The following CECR2 variants were observed in gnomAD, a reference collection of about 807,000 sequenced individuals.
CECR2 encodes the protein chromatin remodeling regulator CECR2.
A neutral mutation model predicts 154.5 loss-of-function variants in CECR2; 30 were observed. The ratio of observed to expected loss-of-function variants is 0.19; its 90% CI spans 0.15 to 0.26. The LOEUF (loss-of-function observed/expected upper bound fraction) is 0.26. Ranked by LOEUF, CECR2 falls within the 10% of genes least tolerant of loss-of-function variation. CECR2 has a pLI of 1.00. For synonymous variants in CECR2, 725 were observed against 683.7 expected (o/e 1.06, Z -0.94); for missense variants, 1,743 against 1,829.3 (o/e 0.95, Z 0.86).
In CECR2 at chr22:17,556,063, TG is replaced by T. The variant is rs1488985788; in HGVS notation, c.*3224del. On this transcript the variant is annotated 3_prime_UTR_variant, in exon 19 of 19. Transcript: ENST00000262608. ...GTAGCAGGAGCTATTGGCTGAAATT[TG>T]TTACAGTGAATGAATGTGGAGAATA... 2 of 152,202 alleles carry T rather than the reference TG, an allele frequency of 1.3e-5. No individual in the cohort carries two copies. Among genetic ancestry groups the T allele is most frequent in the African/African-American group, 4.8e-5 (2 of 41,446 alleles). The allele number at this position is 152,202 out of a possible 1,614,324, so 9.4% of individuals were successfully genotyped here.
chr22:17,423,589 AAG>A (rs2054289397), intron 1 of CECR2, among the ~76,000 whole-genome samples: 1 of 152,114 alleles, frequency 6.6e-6, no homozygotes. Context: ...TGCTTCTGGC[AAG>A]AGAGGATTTT....
At chr22:17,441,517 C>T (rs146905454) in intron 1 of CECR2, among the ~76,000 whole-genome samples, 10 of 152,198 alleles carry the variant, frequency 6.6e-5, no homozygotes, top group East Asian at 1.9e-4. Flanking sequence ...TTTATTCTAA[C>T]GTGATGAAAG....
chr22:17,436,159 G>A (rs961280147), intron 1 of CECR2, among the ~76,000 whole-genome samples: 99 of 152,108 alleles, frequency 6.5e-4, no homozygotes, highest in African/African-American at 2.3e-3. Context: ...GGGGTTTCAC[G>A]GTGTTAGCCA....
chr22:17,379,926 T>A (rs911499063), intron 1 of CECR2, among the ~76,000 whole-genome samples: 5 of 152,216 alleles, frequency 3.3e-5, no homozygotes, highest in African/African-American at 1.2e-4. Flanking sequence ...TCTGTGGCTT[T>A]TGAAGATGTT....
intron 1 of CECR2, among the ~76,000 whole-genome samples, chr22:17,427,102 T>C (rs575261536): frequency 6.6e-6 from 1 of 151,700 alleles, no homozygotes; most frequent in South Asian, 2.1e-4. Flanking sequence ...AGAGTGAGAA[T>C]ATGCAGTGTT....
chr22:17,516,898 T>TGGTTGTTTA (rs985411665), intron 8 of CECR2, among the ~76,000 whole-genome samples: 7 of 151,672 alleles, frequency 4.6e-5, no homozygotes, highest in Non-Finnish European at 1.0e-4. Flanking sequence ...CCAGCTGATC[T>TGGTTGTTTA]GGTTGTTTAT....
At chr22:17,369,075 A>C (rs2063022097), upstream of CECR2, among the ~76,000 whole-genome samples, 1 of 151,928 alleles carries the variant, frequency 6.6e-6, no homozygotes, top group African/African-American at 2.4e-5. Flanking sequence ...CTGAACTCCC[A>C]CACGTGCACG....
intron 1 of CECR2, among the ~76,000 whole-genome samples, chr22:17,442,386 C>T (rs1470145813): frequency 2.6e-5 from 4 of 152,112 alleles, no homozygotes. Context: ...AGCAACATAG[C>T]GAGACCCCCA....
intron 1 of CECR2, among the ~76,000 whole-genome samples, chr22:17,379,471 G>C (rs561277359): frequency 1.3e-5 from 2 of 152,210 alleles, no homozygotes; most frequent in Non-Finnish European, 2.9e-5. Flanking sequence ...GGCTGCCATT[G>C]CCTGTCAGGG....
At chr22:17,534,014 G>A (rs752719586) in intron 9 of CECR2, among the ~76,000 whole-genome samples, 7 of 151,940 alleles carry the variant, frequency 4.6e-5, no homozygotes, top group Admixed American at 6.6e-5. Flanking sequence ...ATGCCCGGCC[G>A]AGCAAAGGGC....
chr22:17,412,117 C>T (rs551734780), intron 1 of CECR2, among the ~76,000 whole-genome samples: 9 of 152,198 alleles, frequency 5.9e-5, no homozygotes, highest in East Asian at 1.9e-4. Flanking sequence ...ATTCTAATGG[C>T]GAGTATTCTC....
intron 1 of CECR2, among the ~76,000 whole-genome samples, chr22:17,474,329 A>G (rs1349379318): frequency 6.6e-6 from 1 of 152,182 alleles, no homozygotes; most frequent in African/African-American, 2.4e-5. Flanking sequence ...TAATGACTTC[A>G]TGAGTTAGTT....
intron 1 of CECR2, among the ~76,000 whole-genome samples, chr22:17,426,869 T>G (rs2054339133): frequency 6.6e-6 from 1 of 152,180 alleles, no homozygotes; most frequent in African/African-American, 2.4e-5. Flanking sequence ...AACACAAATT[T>G]TTTTTTTAAA....
intron 9 of CECR2, chr22:17,524,990 A>T (rs2056234112): frequency 5.2e-6 from 1 of 191,066 alleles, no homozygotes; most frequent in Non-Finnish European, 1.1e-5. Flanking sequence ...TAGAATTAAT[A>T]AAGAAATGAG....
intron 1 of CECR2, among the ~76,000 whole-genome samples, chr22:17,470,034 T>C (rs1464130616): frequency 6.6e-6 from 1 of 152,242 alleles, no homozygotes. Flanking sequence ...GCTGCCTTTC[T>C]GCTCGTGTGG....
intron 1 of CECR2, among the ~76,000 whole-genome samples, chr22:17,370,214 G>A (rs1474321548): frequency 4.0e-5 from 6 of 150,866 alleles, no homozygotes; most frequent in South Asian, 2.1e-4. Context: ...CGACCCTCCC[G>A]GGACTTCTCC....
chr22:17,378,055 C>T (rs954807329), intron 1 of CECR2, among the ~76,000 whole-genome samples: 3 of 141,796 alleles, frequency 2.1e-5, no homozygotes, highest in Admixed American at 1.4e-4. Flanking sequence ...GCTATCTTGG[C>T]TCACTGCAAC....
At chr22:17,436,477 A>T (rs1451046667) in intron 1 of CECR2, among the ~76,000 whole-genome samples, 1 of 152,178 alleles carries the variant, frequency 6.6e-6, no homozygotes, top group Non-Finnish European at 1.5e-5. Context: ...AAACTTCCTT[A>T]ATGGTCTTTC....
chr22:17,546,237 C>T (rs1435559159), intron 16 of CECR2, among the ~76,000 whole-genome samples: 2 of 152,120 alleles, frequency 1.3e-5, no homozygotes, highest in Non-Finnish European at 2.9e-5. Flanking sequence ...CCTGTAATCC[C>T]AGCACTTTGG....
Sources: gnomAD v4.1 joint callset for allele counts (sites outside exome capture counted in the v4.1 genomes callset) on GRCh38, gnomAD v4.1.1 for gene constraint, MANE v1.5 for transcripts, NCBI Gene and HGNC (gene_info 2026-07-23, HGNC 2026-07-21) for gene names.